The following DAP variants were observed in gnomAD, a reference collection of about 807,000 sequenced individuals.
The protein encoded by DAP is death associated protein.
Under a neutral mutation model 13.8 loss-of-function variants are expected in DAP, and 8 were observed. That is an observed-to-expected ratio of 0.58 (90% CI 0.34 to 1.05). DAP has a LOEUF of 1.05. Among genes scored for constraint, DAP ranks in the 50% least tolerant of loss-of-function variants. DAP has a pLI of 0.03. For missense variants in DAP, 106 were observed against 133.2 expected (o/e 0.80, Z 1.01); for synonymous variants, 47 against 47.5 (o/e 0.99, Z 0.04).
intron 2 of DAP, among the ~76,000 whole-genome samples, chr5:10,725,002 C>T (rs1382585315): frequency 1.3e-5 from 2 of 152,198 alleles, no homozygotes; most frequent in East Asian, 3.8e-4. Flanking sequence ...TCTGACCCAA[C>T]ACCCCATGGG....
At chr5:10,714,454 A>C (rs1738930142) in intron 2 of DAP, among the ~76,000 whole-genome samples, 1 of 152,240 alleles carries the variant, frequency 6.6e-6, no homozygotes, top group Admixed American at 6.5e-5. Context: ...CTTGTTATTA[A>C]ATCTTAAAAA....
At position 10,715,139 on chromosome 5, in the gene DAP, G is replaced by C. The variant is rs3797128; in HGVS notation, c.153-31568C>G. On this transcript the variant is annotated intron_variant, in intron 2 of 3. Transcript: ENST00000230895. ...AATTTGCTTGTGTCCAAAGTGCAGG[G>C]AGTTATATGGACAGTTGCTGAGTTC... Among the ~76,000 whole-genome samples, 4 of 152,302 alleles carry C rather than the reference G, an allele frequency of 2.6e-5. No homozygotes were observed. In the East Asian group the frequency reaches 7.7e-4, roughly 29 times the overall value.
At chr5:10,694,412 A>G (rs1738384267) in intron 2 of DAP, among the ~76,000 whole-genome samples, 1 of 151,076 alleles carries the variant, frequency 6.6e-6, no homozygotes, top group South Asian at 2.1e-4. Context: ...ACACACACGC[A>G]CATACACACA....
intron 2 of DAP, among the ~76,000 whole-genome samples, chr5:10,721,518 C>A (rs913050677): frequency 6.6e-6 from 1 of 152,142 alleles, no homozygotes; most frequent in African/African-American, 2.4e-5. Context: ...TCTACAACTC[C>A]ACAACAGAGA....
intron 2 of DAP, among the ~76,000 whole-genome samples, chr5:10,691,046 A>G (rs1394147385): frequency 6.6e-6 from 1 of 152,222 alleles, no homozygotes; most frequent in African/African-American, 2.4e-5. Flanking sequence ...AACTAATTTT[A>G]AGAATAAGCT....
chr5:10,730,804 G>A (rs1206319483), intron 2 of DAP, among the ~76,000 whole-genome samples: 7 of 119,606 alleles, frequency 5.9e-5, no homozygotes, highest in African/African-American at 6.7e-5. Context: ...TGAGAGCCCT[G>A]GTGGGGGGAA....
At chr5:10,737,635 C>T (rs774436736) in intron 2 of DAP, among the ~76,000 whole-genome samples, 4 of 152,208 alleles carry the variant, frequency 2.6e-5, no homozygotes, top group Non-Finnish European at 4.4e-5. Context: ...TTTAAGCTGG[C>T]ACATTGCTGG....
In DAP at chr5:10,733,829, T is replaced by C. The variant is rs73044545; in HGVS notation, c.152+14346A>G. On this transcript the variant is annotated intron_variant, in intron 2 of 3. Transcript: ENST00000230895. The stretch of plus-strand genomic sequence containing the variant: ...AGAGAATCAAAGTCCAAGATAATTA[T>C]TACTGATTCAGCAAGTGTTTTCTGA... The C allele has an allele frequency of 1.9e-3, 286 of 152,378 alleles. 2 individuals carry two copies. Among genetic ancestry groups the C allele is most frequent in the African/African-American group, 6.5e-3 (272 of 41,590 alleles). The allele number at this position is 152,378 out of a possible 1,614,324, so 9.4% of individuals were successfully genotyped here. A position where few individuals can be genotyped will look rare whatever the true frequency, so the allele number is the denominator to read the frequency against.
rs1321843983 is a variant in DAP, at chr5:10,688,652, T to C, written c.153-5081A>G. Among the ~76,000 whole-genome samples the C allele has an allele frequency of 9.2e-5, 14 of 151,758 alleles. 1 individual carries two copies. Among genetic ancestry groups the C allele is most frequent in the Admixed American group, 9.2e-4 (14 of 15,284 alleles). ...TTCTGTATTACTGTACGTGTGTATTTATAAAGATTGACACACACACACAAC... is the reference window on the plus strand; with the variant it reads ...TTCTGTATTACTGTACGTGTGTATTCATAAAGATTGACACACACACACAAC... On this transcript the variant is annotated intron_variant, in intron 2 of 3. Transcript: ENST00000230895.
Position 10,726,579 on chromosome 5 carries a change from G to T in DAP, c.152+21596C>A, listed in dbSNP as rs572569438. Among the ~76,000 whole-genome samples, 10 of 152,380 alleles carry T rather than the reference G, an allele frequency of 6.6e-5. No individual in the cohort carries two copies. In the East Asian group the frequency reaches 1.9e-3, roughly 29 times the overall value. ...GGTGAAGGTGCCGGCCCCGGCCCAG[G>T]AGGCGGGGTTCTGACTGCTCTTCAG... On this transcript the variant is annotated intron_variant, in intron 2 of 3. Transcript: ENST00000230895.
chr5:10,716,429 C>A (rs1428482907), intron 2 of DAP, among the ~76,000 whole-genome samples: 1 of 152,090 alleles, frequency 6.6e-6, no homozygotes, highest in Non-Finnish European at 1.5e-5. Flanking sequence ...TTGAAGGATG[C>A]AATATTGATC....
intron 1 of DAP, among the ~76,000 whole-genome samples, chr5:10,758,591 T>C (rs545677474): frequency 6.6e-6 from 1 of 152,282 alleles, no homozygotes; most frequent in East Asian, 1.9e-4. Context: ...GGATGAACAG[T>C]GCTGGTACCC....
chr5:10,751,494 T>C (rs1451675296), intron 1 of DAP, among the ~76,000 whole-genome samples: 1 of 152,152 alleles, frequency 6.6e-6, no homozygotes, highest in East Asian at 1.9e-4. Context: ...CCACTAAATA[T>C]TTTTTAAAAA....
intron 2 of DAP, among the ~76,000 whole-genome samples, chr5:10,724,742 A>G (rs5745217): frequency 0.091 from 13,924 of 152,256 alleles, 896 homozygotes; most frequent in African/African-American, 0.18. Flanking sequence ...GCTGCAGAGG[A>G]AACATTCCTC....
At chr5:10,744,349 CCAAGA>C (rs1739846651) in intron 2 of DAP, among the ~76,000 whole-genome samples, 1 of 152,166 alleles carries the variant, frequency 6.6e-6, no homozygotes, top group Non-Finnish European at 1.5e-5. Context: ...TAAGACATTT[CCAAGA>C]GGATAATTAA....
intron 1 of DAP, among the ~76,000 whole-genome samples, chr5:10,755,104 T>A (rs1740149446): frequency 6.8e-6 from 1 of 146,994 alleles, no homozygotes; most frequent in South Asian, 2.1e-4. Flanking sequence ...GCCCATGTAA[T>A]CTCAAGGGTC....
chr5:10,756,654 T>G (rs1304498081), intron 1 of DAP, among the ~76,000 whole-genome samples: 2 of 152,226 alleles, frequency 1.3e-5, no homozygotes, highest in African/African-American at 4.8e-5. Flanking sequence ...GTAGCAGATT[T>G]ATGAGAACTC....
intron 2 of DAP, among the ~76,000 whole-genome samples, chr5:10,685,292 T>G (rs959307889): frequency 4.3e-5 from 2 of 46,248 alleles, no homozygotes; most frequent in Non-Finnish European, 7.1e-5. Context: ...TTCCTTTACG[T>G]ACATGATTTA....
chr5:10,714,534 C>T (rs1051439721), intron 2 of DAP, among the ~76,000 whole-genome samples: 2 of 151,750 alleles, frequency 1.3e-5, no homozygotes, highest in Middle Eastern at 3.2e-3. Flanking sequence ...ACAGGTAATA[C>T]AAATAAAAAC....
Sources: gnomAD v4.1 joint callset for allele counts (sites outside exome capture counted in the v4.1 genomes callset) on GRCh38, gnomAD v4.1.1 for gene constraint, MANE v1.5 for transcripts, NCBI Gene and HGNC (gene_info 2026-07-23, HGNC 2026-07-21) for gene names.